The following SYNJ2BP variants were observed in gnomAD, a reference collection of about 807,000 sequenced individuals.
SYNJ2BP encodes synaptojanin-2-binding protein.
Under a neutral mutation model 16.9 loss-of-function variants are expected in SYNJ2BP, and 10 were observed. That is an observed-to-expected ratio of 0.59 (90% CI 0.36 to 1.00). The LOEUF (loss-of-function observed/expected upper bound fraction) is 1.00, where lower values mean the gene tolerates loss of function less well. Among genes scored for constraint, SYNJ2BP ranks in the 50% least tolerant of loss-of-function variants. The probability of loss-of-function intolerance (pLI) is 0.01; values close to 1 mark genes in which losing one functional copy is unlikely to be tolerated. For synonymous variants in SYNJ2BP, 54 were observed against 68.4 expected (o/e 0.79, Z 1.04); for missense variants, 162 against 186.7 (o/e 0.87, Z 0.77).
At chr14:70,396,582 A>ATGTATGTATGTATG (rs1555348746) in intron 1 of SYNJ2BP, among the ~76,000 whole-genome samples, 6 of 150,278 alleles carry the variant, frequency 4.0e-5, no homozygotes, top group Admixed American at 6.6e-5. Context: ...GTGTGTATGT[A>ATGTATGTATGTATG]TGTATGTATG....
At chr14:70,381,017 A>G (rs986188515) in intron 2 of SYNJ2BP, among the ~76,000 whole-genome samples, 5 of 152,234 alleles carry the variant, frequency 3.3e-5, no homozygotes, top group Non-Finnish European at 7.3e-5. Flanking sequence ...TGAGCATAAT[A>G]AATAGCACAT....
intron 3 of SYNJ2BP, 109 bp from the exon 4 acceptor site, chr14:70,373,240 G>A (rs1446818614): frequency 1.4e-6 from 2 of 1,410,390 alleles, no homozygotes; most frequent in Non-Finnish European, 9.5e-7. Flanking sequence ...ACCCAAAACT[G>A]TAACCCCCAG....
At chr14:70,374,084 CTGAACA>C (rs760489428) in intron 3 of SYNJ2BP, among the ~76,000 whole-genome samples, 1 of 152,218 alleles carries the variant, frequency 6.6e-6, no homozygotes, top group Non-Finnish European at 1.5e-5. Flanking sequence ...GGCCAATTGC[CTGAACA>C]TAAGGGTCTT....
intron 1 of SYNJ2BP, among the ~76,000 whole-genome samples, chr14:70,407,589 C>T (rs1024575136): frequency 2.0e-5 from 3 of 151,836 alleles, no homozygotes; most frequent in African/African-American, 7.3e-5. Context: ...CTACTATTTC[C>T]TATGCAAATA....
chr14:70,407,944 T>C (rs1888384051), intron 1 of SYNJ2BP, among the ~76,000 whole-genome samples: 1 of 152,192 alleles, frequency 6.6e-6, no homozygotes. Flanking sequence ...TTTTTGTACC[T>C]CCTGTGCCAA....
intron 1 of SYNJ2BP, among the ~76,000 whole-genome samples, chr14:70,407,614 T>G (rs1888376193): frequency 6.6e-6 from 1 of 152,062 alleles, no homozygotes; most frequent in South Asian, 2.1e-4. Context: ...AAAATGATTT[T>G]TAAATAAATT....
intron 2 of SYNJ2BP, among the ~76,000 whole-genome samples, chr14:70,384,150 G>A (rs1468253323): frequency 6.6e-6 from 1 of 151,922 alleles, no homozygotes; most frequent in African/African-American, 2.4e-5. Flanking sequence ...AGAATGAAAA[G>A]GTTAAATTAA....
At chr14:70,380,306 T>G (rs1887718991) in intron 2 of SYNJ2BP, among the ~76,000 whole-genome samples, 1 of 152,220 alleles carries the variant, frequency 6.6e-6, no homozygotes, top group Admixed American at 6.5e-5. Flanking sequence ...ACATATATGT[T>G]GTAAATTAAA....
chr14:70,410,662 C>T (rs936892843), intron 1 of SYNJ2BP, among the ~76,000 whole-genome samples: 12 of 152,294 alleles, frequency 7.9e-5, no homozygotes, highest in Non-Finnish European at 1.6e-4. Flanking sequence ...GGTGCATATA[C>T]ACCATGGAAT....
chr14:70,413,982 C>T (rs1402025556), intron 1 of SYNJ2BP, among the ~76,000 whole-genome samples: 16 of 152,130 alleles, frequency 1.1e-4, no homozygotes, highest in Admixed American at 9.8e-4. Context: ...CATATTTCTT[C>T]CATAGATAGA....
At chr14:70,383,960 ATTT>A (rs34105178) in intron 2 of SYNJ2BP, among the ~76,000 whole-genome samples, 3 of 144,056 alleles carry the variant, frequency 2.1e-5, no homozygotes, top group Admixed American at 6.9e-5. Flanking sequence ...AGAGGAAACT[ATTT>A]TTTTTTTTTT....
chr14:70,415,270 C>A (rs1447319636), intron 1 of SYNJ2BP, among the ~76,000 whole-genome samples: 1 of 151,452 alleles, frequency 6.6e-6, no homozygotes, highest in African/African-American at 2.4e-5. Flanking sequence ...GAAGGCAGGG[C>A]ACAGTGGCTC....
In SYNJ2BP at chr14:70,399,986, T is replaced by C. The variant is rs985429059; in HGVS notation, c.65-11380A>G. On this transcript the variant is annotated intron_variant, in intron 1 of 3. Coordinates refer to ENST00000256366, the MANE Select transcript of SYNJ2BP (RefSeq NM_018373.3). ...ATCACTGGTTGGTTCACCCCTACAA[T>C]TGTCAAAAGCTGCAAAAAAGAGAAA... Among the ~76,000 whole-genome samples, 39 of 152,270 alleles carry C rather than the reference T, an allele frequency of 2.6e-4. 1 individual carries two copies. Among genetic ancestry groups the C allele is most frequent in the Admixed American group, 1.6e-3 (25 of 15,302 alleles).
intron 2 of SYNJ2BP, among the ~76,000 whole-genome samples, chr14:70,381,904 T>G (rs1480704556): frequency 5.3e-5 from 8 of 152,248 alleles, no homozygotes; most frequent in African/African-American, 1.9e-4. Context: ...ACTGGAGTAG[T>G]AATTTTTCAA....
rs1887498948 is a variant in SYNJ2BP at position 70,370,622 on chromosome 14, T to A, written c.*2369A>T. ...CTGATGCCATTATGTGACATCTTTT[T>A]TTCCCTGAATTTCTAAAAGAAAATG... On this transcript the variant is annotated 3_prime_UTR_variant, in exon 4 of 4. Transcript: ENST00000256366. The A allele has an allele frequency of 1.3e-5, 2 of 152,224 alleles. No homozygotes were observed. Among genetic ancestry groups the A allele is most frequent in the Admixed American group, 1.3e-4 (2 of 15,278 alleles). 9.4% of individuals were successfully genotyped at this position (152,224 alleles called of 1,614,324 possible). A position where few individuals can be genotyped will look rare whatever the true frequency, so the allele number is the denominator to read the frequency against.
intron 3 of SYNJ2BP, 92 bp from the exon 4 acceptor site, chr14:70,373,223 C>T: frequency 6.6e-7 from 1 of 1,522,482 alleles, no homozygotes; most frequent in South Asian, 1.3e-5. Flanking sequence ...TTTGTAGACT[C>T]TAGACCACCC....
chr14:70,376,010 G>A (rs1887621789), intron 2 of SYNJ2BP, among the ~76,000 whole-genome samples: 1 of 152,178 alleles, frequency 6.6e-6, no homozygotes, highest in East Asian at 1.9e-4. Context: ...ATAAAAAGTG[G>A]TCTCTCCTTC....
chr14:70,403,498 A>T (rs563630492), intron 1 of SYNJ2BP, among the ~76,000 whole-genome samples: 1 of 152,216 alleles, frequency 6.6e-6, no homozygotes, highest in Non-Finnish European at 1.5e-5. Flanking sequence ...CTGATAAAAC[A>T]GGCTGCTGTA....
In SYNJ2BP at chr14:70,388,484, C is replaced by A; in HGVS notation, c.187G>T (p.Asp63Tyr). The A allele has an allele frequency of 6.3e-7, 1 of 1,576,746 alleles. No individual in the cohort carries two copies. Among genetic ancestry groups the A allele is most frequent in the Non-Finnish European group, 8.6e-7 (1 of 1,164,054 alleles). ...CCCATTCTCACCGAAAGGATCTTAT[C>A]ACCCTCCTGGAGCCGCCCATCCAGG... ...AALDGRLQEG[D>Y]KILSVNGQDL... is the part of the protein sequence containing the mutation. Residue 63 changes from aspartate (D) to tyrosine (Y), a missense_variant, in exon 2 of 4, where the codon GAT becomes TAT. Asp to Tyr is a radical substitution (Grantham distance 160, BLOSUM62 -3). Transcript: ENST00000256366.
Sources: allele counts gnomAD v4.1 joint callset (sites outside exome capture counted in the v4.1 genomes callset), GRCh38; gene constraint gnomAD v4.1.1; transcripts MANE v1.5; gene names NCBI Gene and HGNC (gene_info 2026-07-23, HGNC 2026-07-21).